Variants in PUS7 observed in about 807,000 individuals in gnomAD.
The protein encoded by PUS7 is pseudouridylate synthase 7 homolog.
Under a neutral mutation model 79.8 loss-of-function variants are expected in PUS7, and 48 were observed. The ratio of observed to expected loss-of-function variants is 0.60; its 90% CI spans 0.48 to 0.76. The LOEUF is 0.76. PUS7 is among the 30% of genes least tolerant of loss of function. PUS7 has a pLI of 0.00. For synonymous variants in PUS7, 286 were observed against 272.2 expected, an observed-to-expected ratio of 1.05 and a Z score of -0.50; for missense variants, 729 against 797.6, an observed-to-expected ratio of 0.91 and a Z score of 1.04.
At position 105,459,218 on chromosome 7, in the gene PUS7, T is replaced by C. The variant is rs1345784017; in HGVS notation, c.1799A>G (p.Asn600Ser). Residue 600 changes from asparagine (N) to serine (S), a missense_variant, in exon 15 of 16, where the codon AAC becomes AGC. By Grantham distance (46) the Asn-to-Ser change is conservative (BLOSUM62 1). Coordinates refer to ENST00000469408, the MANE Select transcript of PUS7 (RefSeq NM_019042.5). ...AYDDPKIPLF[N>S]TDVDNLEGKT... ...CCCTTCTAGGTTGTCCACATCTGTG[T>C]TGAAAAGTGGAATTTTGGGATCATC... 2.5e-6 allele frequency: 4 copies of C among 1,611,840 alleles called. No individual in the cohort carries two copies. The highest frequency in any genetic ancestry group is 3.4e-6 in the Non-Finnish European group (4 of 1,178,714).
rs554309219 is a variant in PUS7, at chr7:105,507,469, T to C, written c.398+646A>G. 1.2e-4 allele frequency among the ~76,000 whole-genome samples: 19 copies of C among 152,260 alleles called. No homozygotes were observed. In the South Asian group the frequency reaches 3.7e-3, roughly 30 times the overall value. ...CTTCTTCTAACATAGTTGTGGCACA[T>C]TCAAATGAAAAAAGAGTTTAAGATT... On this transcript the variant is annotated intron_variant, in intron 2 of 15. Coordinates refer to ENST00000469408, the MANE Select transcript of PUS7 (RefSeq NM_019042.5).
rs146429281 is a variant in PUS7 at position 105,498,815 on chromosome 7, T to C, written c.731-3562A>G. On this transcript the variant is annotated intron_variant, in intron 5 of 15. Coordinates refer to ENST00000469408, the MANE Select transcript of PUS7 (RefSeq NM_019042.5). ...ATATATATTTTTCTTTTTATAGAGA[T>C]GAGGTTTTGCCATGTTGGCCAGGCA... Among the ~76,000 whole-genome samples the C allele has an allele frequency of 9.2e-3, 1,397 of 152,292 alleles. 11 individuals are homozygous for C. Among genetic ancestry groups the C allele is most frequent in the Non-Finnish European group, 0.015 (996 of 68,020 alleles).
At chr7:105,490,163 T>G (rs1000410193) in intron 7 of PUS7, among the ~76,000 whole-genome samples, 1 of 151,230 alleles carries the variant, frequency 6.6e-6, no homozygotes, top group African/African-American at 2.4e-5. Context: ...TGTATTTAAG[T>G]AGAGGTAGCA....
chr7:105,484,773 G>A (rs1464071962), intron 7 of PUS7, among the ~76,000 whole-genome samples: 2 of 148,912 alleles, frequency 1.3e-5, no homozygotes, highest in South Asian at 2.1e-4. Flanking sequence ...AGCTGAGATC[G>A]TGCCACTGCA....
chr7:105,476,243 C>T (rs556605663), intron 9 of PUS7, among the ~76,000 whole-genome samples: 1 of 151,726 alleles, frequency 6.6e-6, no homozygotes, highest in Non-Finnish European at 1.5e-5. Flanking sequence ...TCCTACCTTT[C>T]GGCTATTGTG....
At chr7:105,518,316 A>C (rs1375011109) in intron 1 of PUS7, among the ~76,000 whole-genome samples, 4 of 152,112 alleles carry the variant, frequency 2.6e-5, no homozygotes, top group African/African-American at 7.2e-5. Flanking sequence ...GTCTCAAAAA[A>C]AAAATAAAAT....
chr7:105,464,016 C>T (rs950615244), intron 13 of PUS7, among the ~76,000 whole-genome samples: 11 of 152,164 alleles, frequency 7.2e-5, no homozygotes, highest in Admixed American at 7.2e-4. Context: ...CAAGCACTGT[C>T]GGGTACCAGG....
chr7:105,494,973 T>TAA (rs1200372702), intron 6 of PUS7, among the ~76,000 whole-genome samples, 169 bp downstream of exon 6: 3 of 85,870 alleles, frequency 3.5e-5, no homozygotes, highest in East Asian at 3.1e-4. Context: ...TGAGACTGTC[T>TAA]AAAAAAAAAA....
intron 3 of PUS7, 59 bp downstream of exon 3, chr7:105,506,130 A>G: frequency 1.3e-6 from 2 of 1,507,336 alleles, no homozygotes; most frequent in Non-Finnish European, 1.8e-6. Flanking sequence ...ATATTTCTAA[A>G]TCTCTAGGAA....
chr7:105,483,320 G>C (rs1429396302), intron 7 of PUS7, among the ~76,000 whole-genome samples: 1 of 151,960 alleles, frequency 6.6e-6, no homozygotes, highest in Non-Finnish European at 1.5e-5. Context: ...ACACCACCAT[G>C]CCCGGCTAAT....
Position 105,508,234 on chromosome 7 carries a change from G to A in PUS7, c.279C>T (p.Cys93=), listed in dbSNP as rs144317551. Residue 93 remains cysteine (C), a synonymous_variant, in exon 2 of 16, where the codon TGC becomes TGT. Coordinates refer to ENST00000469408, the MANE Select transcript of PUS7 (RefSeq NM_019042.5). The part of the protein sequence containing the change: ...EEEEDGLSEE[C]EEEESESFAD... ...CAAAACTCTCTGATTCCTCCTCCTCGCACTCCTCTGAAAGTCCATCTTCCT... is the reference window on the plus strand; with the variant it reads ...CAAAACTCTCTGATTCCTCCTCCTCACACTCCTCTGAAAGTCCATCTTCCT... The A allele has an allele frequency of 2.6e-5, 42 of 1,613,822 alleles. No individual in the cohort carries two copies. Among genetic ancestry groups the A allele is most frequent in the South Asian group, 6.6e-5 (6 of 91,044 alleles).
chr7:105,518,630 G>A (rs1479671062), intron 1 of PUS7, among the ~76,000 whole-genome samples: 1 of 152,088 alleles, frequency 6.6e-6, no homozygotes, highest in Non-Finnish European at 1.5e-5. Context: ...AAACTCCTGA[G>A]CTCAAGTGAT....
intron 5 of PUS7, among the ~76,000 whole-genome samples, chr7:105,496,770 C>G (rs199633706): frequency 1.2e-3 from 42 of 35,376 alleles, no homozygotes; most frequent in African/African-American, 2.2e-3. Context: ...AAAAGTATTA[C>G]AAGTATTTCT....
In PUS7 at chr7:105,457,562, G is replaced by A. The variant is rs781567647; in HGVS notation, c.*228C>T. 6.2e-5 allele frequency: 22 copies of A among 356,952 alleles called. No homozygotes were observed. Among genetic ancestry groups the A allele is most frequent in the South Asian group, 4.6e-4 (7 of 15,100 alleles). 22.1% of individuals were successfully genotyped at this position (356,952 alleles called of 1,614,324 possible). A position where few individuals can be genotyped will look rare whatever the true frequency, so the allele number is the denominator to read the frequency against. On this transcript the variant is annotated 3_prime_UTR_variant, in exon 16 of 16. Transcript: ENST00000469408. ...TTACTCTGATTTAAGCACCTGAAGT[G>A]TATTTTGACTAATTTATATTCTGAG...
intron 5 of PUS7, among the ~76,000 whole-genome samples, chr7:105,496,058 G>A (rs1033100521): frequency 1.3e-5 from 2 of 151,728 alleles, no homozygotes; most frequent in African/African-American, 4.8e-5. Context: ...TACTTGGGAG[G>A]CTGAGGCAAG....
chr7:105,518,672 C>T (rs1216621744), intron 1 of PUS7, among the ~76,000 whole-genome samples: 1 of 152,166 alleles, frequency 6.6e-6, no homozygotes. Context: ...TACAGGTGTG[C>T]ACCACCGCCC....
rs1274057184 is a variant in PUS7 at position 105,462,734 on chromosome 7, C to A, written c.1644G>T (p.Arg548Ser). The A allele has an allele frequency of 1.9e-6, 3 of 1,611,774 alleles. No individual in the cohort carries two copies. In the African/African-American group the frequency reaches 4.0e-5, roughly 22 times the overall value. ...CAAGATTGTCAGCTGTGAGCATTTC[C>A]CTGTAGGCTTCTTGAACTAATATAA... ...YPKHKIQEAY[R>S]EMLTADNLDI... Residue 548 changes from arginine to serine, a missense_variant, in exon 14 of 16, where the codon AGG (arginine) becomes AGT (serine). Physicochemically the swap from Arg to Ser is moderately radical, Grantham distance 110. Coordinates refer to ENST00000469408, the MANE Select transcript of PUS7 (RefSeq NM_019042.5).
intron 9 of PUS7, among the ~76,000 whole-genome samples, chr7:105,477,307 G>C (rs940358809): frequency 3.3e-5 from 5 of 151,944 alleles, no homozygotes; most frequent in Non-Finnish European, 5.9e-5. Flanking sequence ...GAGTGCAGTG[G>C]TACAATCTTG....
intron 1 of PUS7, among the ~76,000 whole-genome samples, chr7:105,515,818 T>TATTA (rs1825873694): frequency 1.4e-5 from 2 of 147,566 alleles, no homozygotes; most frequent in Non-Finnish European, 3.0e-5. Flanking sequence ...TTTATTTATT[T>TATTA]ATTTATTTTG....
Sources: gnomAD v4.1 joint callset for allele counts (sites outside exome capture counted in the v4.1 genomes callset) on GRCh38, gnomAD v4.1.1 for gene constraint, MANE v1.5 for transcripts, NCBI Gene and HGNC (gene_info 2026-07-23, HGNC 2026-07-21) for gene names.